The following NECAB1 variants were observed in gnomAD, a reference collection of about 807,000 sequenced individuals.
The protein encoded by NECAB1 is N-terminal EF-hand calcium-binding protein 1.
In NECAB1, 29 loss-of-function variants were observed where a neutral mutation model predicts 57.5. The ratio of observed to expected loss-of-function variants is 0.50; its 90% CI spans 0.38 to 0.69. The LOEUF is 0.69. NECAB1 is among the 30% of genes least tolerant of loss of function. The pLI is 0.00. For synonymous variants in NECAB1, 142 were observed against 147.7 expected, an observed-to-expected ratio of 0.96 and a Z score of 0.28; for missense variants, 372 against 413.8, an observed-to-expected ratio of 0.90 and a Z score of 0.88.
chr8:90,793,429 C>G (rs1238590533), intron 1 of NECAB1, among the ~76,000 whole-genome samples: 1 of 152,124 alleles, frequency 6.6e-6, no homozygotes, highest in African/African-American at 2.4e-5. Context: ...ATTCAGCCAC[C>G]CAATCAGGTG....
intron 3 of NECAB1, among the ~76,000 whole-genome samples, chr8:90,853,971 A>G (rs1415769655): frequency 1.3e-5 from 2 of 152,132 alleles, no homozygotes. Flanking sequence ...CAGGAAGCAG[A>G]TCGTTGGTTA....
At chr8:90,925,406 C>T (rs1810239864) in intron 6 of NECAB1, 129 bp from the exon 7 acceptor site, 4 of 948,526 alleles carry the variant, frequency 4.2e-6, no homozygotes, top group Non-Finnish European at 6.2e-6. Flanking sequence ...CATTTACAAG[C>T]AGTCATTCTC....
At chr8:90,906,889 A>ATG (rs1370948313) in intron 5 of NECAB1, among the ~76,000 whole-genome samples, 430 of 72,684 alleles carry the variant, frequency 5.9e-3, no homozygotes, top group African/African-American at 0.012. Context: ...ATATATATAT[A>ATG]TATATATATA....
At chr8:90,879,547 A>G (rs1477770497) in intron 4 of NECAB1, among the ~76,000 whole-genome samples, 1 of 152,222 alleles carries the variant, frequency 6.6e-6, no homozygotes, top group Non-Finnish European at 1.5e-5. Context: ...AAATGAAGTA[A>G]CAGCTTCACT....
chr8:90,862,386 T>C (rs1800733019), intron 3 of NECAB1, among the ~76,000 whole-genome samples: 1 of 152,122 alleles, frequency 6.6e-6, no homozygotes, highest in South Asian at 2.1e-4. Flanking sequence ...CTTTTGGATG[T>C]TGGGCAGTGA....
intron 3 of NECAB1, among the ~76,000 whole-genome samples, chr8:90,836,951 G>A (rs1812379084): frequency 6.6e-6 from 1 of 152,220 alleles, no homozygotes; most frequent in Admixed American, 6.5e-5. Context: ...TGATTGAGGA[G>A]CATAAGAAGC....
At chr8:90,902,729 C>T (rs1809539460) in intron 5 of NECAB1, among the ~76,000 whole-genome samples, 1 of 151,984 alleles carries the variant, frequency 6.6e-6, no homozygotes, top group South Asian at 2.1e-4. Context: ...GACTCTTAAA[C>T]ATGATAATGG....
chr8:90,907,149 T>TGAG, intron 5 of NECAB1, among the ~76,000 whole-genome samples: 1 of 107,222 alleles, frequency 9.3e-6, no homozygotes, highest in South Asian at 2.8e-4. Flanking sequence ...TGTGTGTGTG[T>TGAG]GTGAGAGAGA....
chr8:90,913,641 A>C (rs1487590739), intron 5 of NECAB1, among the ~76,000 whole-genome samples: 1 of 152,160 alleles, frequency 6.6e-6, no homozygotes, highest in Non-Finnish European at 1.5e-5. Flanking sequence ...GAATGCAAAA[A>C]ATCTCTTTTT....
At chr8:90,809,510 T>C (rs1435371198) in intron 2 of NECAB1, among the ~76,000 whole-genome samples, 1 of 152,358 alleles carries the variant, frequency 6.6e-6, no homozygotes, top group East Asian at 1.9e-4. Flanking sequence ...TTGATACTTT[T>C]GGATATATAA....
chr8:90,906,611 T>G (rs1193647956), intron 5 of NECAB1, among the ~76,000 whole-genome samples: 1 of 152,072 alleles, frequency 6.6e-6, no homozygotes, highest in Non-Finnish European at 1.5e-5. Context: ...CTTAGAAGCT[T>G]TGTTGTACAT....
intron 3 of NECAB1, among the ~76,000 whole-genome samples, chr8:90,857,188 C>G (rs1910727): frequency 0.46 from 70,213 of 151,930 alleles, 19,670 homozygotes; most frequent in East Asian, 0.77. Context: ...GAGACCCAAG[C>G]AGGTGACTTG....
rs948655860 is a variant in NECAB1 at position 90,957,552 on chromosome 8, C to T, written c.*2040C>T. The T allele has an allele frequency of 2.6e-5, 4 of 151,022 alleles. No homozygotes were observed. The highest frequency in any genetic ancestry group is 4.9e-5 in the African/African-American group (2 of 41,142). 9.4% of individuals were successfully genotyped at this position (151,022 alleles called of 1,614,324 possible). Reference sequence around the variant, plus strand: ...GGTCATTCTGACCCCAGCTCTTATACAAATTATACATGTATTTTTGTGTAT... The same window carrying T: ...GGTCATTCTGACCCCAGCTCTTATATAAATTATACATGTATTTTTGTGTAT... On this transcript the variant is annotated 3_prime_UTR_variant, in exon 13 of 13. Transcript: ENST00000417640.
intron 9 of NECAB1, chr8:90,940,054 T>C (rs1810630947): frequency 6.6e-6 from 1 of 152,246 alleles, no homozygotes; most frequent in Non-Finnish European, 1.5e-5. Context: ...TAAAATTCCA[T>C]GAGAAGCCCA....
intron 5 of NECAB1, among the ~76,000 whole-genome samples, chr8:90,884,238 C>CCT (rs1267851035): frequency 6.6e-6 from 1 of 152,156 alleles, no homozygotes; most frequent in African/African-American, 2.4e-5. Flanking sequence ...CGGGCCTCTG[C>CCT]CTCTCTCTTA....
intron 5 of NECAB1, among the ~76,000 whole-genome samples, chr8:90,893,234 G>A (rs899680271): frequency 5.3e-5 from 8 of 152,084 alleles, no homozygotes; most frequent in Admixed American, 4.6e-4. Context: ...CCTCCAAGTG[G>A]GGTGTCGGTG....
intron 1 of NECAB1, among the ~76,000 whole-genome samples, chr8:90,794,571 AC>A (rs1283543080): frequency 6.6e-6 from 1 of 152,196 alleles, no homozygotes; most frequent in African/African-American, 2.4e-5. Flanking sequence ...ATGACATGAT[AC>A]ATGACCAGCT....
intron 12 of NECAB1, among the ~76,000 whole-genome samples, chr8:90,953,105 A>C (rs2130280155): frequency 6.6e-6 from 1 of 152,296 alleles, no homozygotes; most frequent in East Asian, 1.9e-4. Context: ...ATCTCTCCCA[A>C]ACCAATGTGG....
Position 90,897,761 on chromosome 8 carries a change from G to A in NECAB1, c.357+16631G>A, listed in dbSNP as rs980973697. ...GGAAAATGTAAATGAACTTATTAAC[G>A]TTTCAAAAATGACACTTTAGGAGAC... is the stretch of plus-strand genomic sequence containing the variant. On this transcript the variant is annotated intron_variant, in intron 5 of 12. Coordinates refer to ENST00000417640, the MANE Select transcript of NECAB1 (RefSeq NM_022351.5). Among the ~76,000 whole-genome samples, 7 of 152,262 alleles carry A rather than the reference G, an allele frequency of 4.6e-5. No homozygotes were observed. In the East Asian group the frequency reaches 7.7e-4, roughly 17 times the overall value.
Sources: allele counts gnomAD v4.1 joint callset (sites outside exome capture counted in the v4.1 genomes callset), GRCh38; gene constraint gnomAD v4.1.1; transcripts MANE v1.5; gene names NCBI Gene and HGNC (gene_info 2026-07-23, HGNC 2026-07-21).